MAP3K5: variants seen among roughly 807,000 people sequenced by gnomAD.
MAP3K5 encodes mitogen-activated protein kinase kinase kinase 5, also known as ASK-1.
A neutral mutation model predicts 158.7 loss-of-function variants in MAP3K5; 56 were observed. The ratio of observed to expected loss-of-function variants is 0.35; its 90% CI spans 0.28 to 0.44. The LOEUF is 0.44. Among genes scored for constraint, MAP3K5 ranks in the 20% least tolerant of loss-of-function variants. The probability of loss-of-function intolerance (pLI) is 1.00; values close to 1 mark genes in which losing one functional copy is unlikely to be tolerated. For synonymous variants in MAP3K5, 579 were observed against 601.7 expected (o/e 0.96, Z 0.55); for missense variants, 1,294 against 1,674.8 (o/e 0.77, Z 3.97).
intron 4 of MAP3K5, among the ~76,000 whole-genome samples, chr6:136,698,142 AGAGTT>A (rs1780686026): frequency 6.6e-6 from 1 of 152,244 alleles, no homozygotes; most frequent in Non-Finnish European, 1.5e-5. Flanking sequence ...AAGAACAATT[AGAGTT>A]AAGAGTTAAT....
At chr6:136,733,630 A>C (rs192178766) in intron 1 of MAP3K5, among the ~76,000 whole-genome samples, 1 of 152,090 alleles carries the variant, frequency 6.6e-6, no homozygotes, top group Non-Finnish European at 1.5e-5. Flanking sequence ...AACAAACAAA[A>C]AAAACCTTTT....
rs1781020091 is a variant in MAP3K5, at chr6:136,705,180, A to T, written c.589-47T>A. The T allele has an allele frequency of 3.5e-6, 3 of 866,284 alleles. No individual in the cohort carries two copies. In the East Asian group the frequency reaches 8.6e-5, roughly 25 times the overall value. 53.7% of individuals were successfully genotyped at this position (866,284 alleles called of 1,614,324 possible). A position where few individuals can be genotyped will look rare whatever the true frequency, so the allele number is the denominator to read the frequency against. On this transcript the variant is annotated intron_variant, in intron 2 of 29. Transcript: ENST00000359015. ...ATACCACAAGTTAATACAAAACTGA[A>T]TAATTCAACAACATTTATTGAACTA...
At chr6:136,671,515 G>C (rs1202209109) in intron 7 of MAP3K5, among the ~76,000 whole-genome samples, 1 of 152,184 alleles carries the variant, frequency 6.6e-6, no homozygotes, top group Non-Finnish European at 1.5e-5. Flanking sequence ...TATATCATTA[G>C]TATACCACTG....
intron 11 of MAP3K5, among the ~76,000 whole-genome samples, chr6:136,650,074 T>A (rs1778450099): frequency 6.6e-6 from 1 of 152,120 alleles, no homozygotes. Context: ...CCTATCTGAG[T>A]GGAAAGCAAG....
intron 1 of MAP3K5, among the ~76,000 whole-genome samples, chr6:136,747,357 G>A (rs1783006123): frequency 6.6e-6 from 1 of 152,228 alleles, no homozygotes; most frequent in Non-Finnish European, 1.5e-5. Context: ...TCATAGGGCA[G>A]CAGGGCTTCT....
At position 136,642,573 on chromosome 6, in the gene MAP3K5, GAAC is replaced by G. The variant is rs765954848; in HGVS notation, c.1789-7_1789-5del. 1.8e-5 allele frequency: 28 copies of G among 1,594,348 alleles called. No homozygotes were observed. The highest frequency in any genetic ancestry group is 6.7e-5 in the East Asian group (3 of 44,648). ...AATTCCACTCATGTATACCTTTCTA[GAAC>G]AACAACAAGAAAATATACTGAGTCA... On this transcript the variant is annotated splice_region_variant and splice_polypyrimidine_tract_variant and intron_variant, in intron 11 of 29. Coordinates refer to ENST00000359015, the MANE Select transcript of MAP3K5 (RefSeq NM_005923.4).
At chr6:136,580,455 G>C in intron 24 of MAP3K5, 49 bp from the exon 25 acceptor site, 1 of 1,161,086 alleles carries the variant, frequency 8.6e-7, no homozygotes, top group East Asian at 2.4e-5. Flanking sequence ...ATTGCAAATA[G>C]CCTAGATGAT....
At chr6:136,767,191 G>T (rs948921780) in intron 1 of MAP3K5, among the ~76,000 whole-genome samples, 12 of 152,076 alleles carry the variant, frequency 7.9e-5, no homozygotes, top group African/African-American at 2.9e-4. Flanking sequence ...TAAGGTAAGT[G>T]GTGATTCTCA....
intron 1 of MAP3K5, among the ~76,000 whole-genome samples, chr6:136,780,947 G>T (rs1186710391): frequency 1.3e-5 from 2 of 152,112 alleles, no homozygotes; most frequent in Non-Finnish European, 1.5e-5. Context: ...TACTCCTGAA[G>T]ATTTATGCCT....
intron 11 of MAP3K5, among the ~76,000 whole-genome samples, chr6:136,646,103 C>T (rs1341405097): frequency 6.6e-6 from 1 of 152,048 alleles, no homozygotes; most frequent in East Asian, 1.9e-4. Context: ...ATAATGAATA[C>T]ACTATGGATA....
intron 7 of MAP3K5, among the ~76,000 whole-genome samples, chr6:136,693,746 T>G (rs867835491): frequency 6.6e-6 from 1 of 152,276 alleles, no homozygotes; most frequent in Admixed American, 6.5e-5. Context: ...TCCCAGCACT[T>G]GAGGAGGCAG....
chr6:136,579,830 G>A (rs1266309251), intron 25 of MAP3K5: 3 of 456,542 alleles, frequency 6.6e-6, no homozygotes, highest in Middle Eastern at 3.3e-4. Context: ...CAGATTCCTG[G>A]GCTTTATTCC....
At chr6:136,773,918 G>C (rs1367679808) in intron 1 of MAP3K5, among the ~76,000 whole-genome samples, 1 of 152,148 alleles carries the variant, frequency 6.6e-6, no homozygotes, top group Non-Finnish European at 1.5e-5. Flanking sequence ...GCCTCCCAAA[G>C]TGCTGGGATT....
At chr6:136,631,403 T>C (rs1254261819) in intron 14 of MAP3K5, among the ~76,000 whole-genome samples, 3 of 152,134 alleles carry the variant, frequency 2.0e-5, no homozygotes, top group Non-Finnish European at 4.4e-5. Context: ...CTAAAATAAA[T>C]TCTGAACCAT....
At chr6:136,703,100 T>C (rs1247347720) in intron 3 of MAP3K5, among the ~76,000 whole-genome samples, 1 of 152,188 alleles carries the variant, frequency 6.6e-6, no homozygotes, top group African/African-American at 2.4e-5. Context: ...GAAGTGTGTG[T>C]TGAAAATGAC....
At chr6:136,715,217 C>T (rs1462027122) in intron 2 of MAP3K5, among the ~76,000 whole-genome samples, 2 of 151,920 alleles carry the variant, frequency 1.3e-5, no homozygotes, top group Non-Finnish European at 2.9e-5. Flanking sequence ...GGGAAATATC[C>T]AAATATCTGA....
At chr6:136,700,835 G>A (rs1202316015) in intron 3 of MAP3K5, among the ~76,000 whole-genome samples, 2 of 152,192 alleles carry the variant, frequency 1.3e-5, no homozygotes, top group Non-Finnish European at 2.9e-5. Context: ...CAGAGGCTGA[G>A]AACTAGAAAG....
chr6:136,728,074 C>A (rs969892834), intron 1 of MAP3K5, among the ~76,000 whole-genome samples: 2 of 152,080 alleles, frequency 1.3e-5, no homozygotes, highest in Non-Finnish European at 2.9e-5. Flanking sequence ...CTTGTTCTGA[C>A]TGAGTTAATG....
At chr6:136,782,468 G>A (rs1461958073) in intron 1 of MAP3K5, among the ~76,000 whole-genome samples, 1 of 152,140 alleles carries the variant, frequency 6.6e-6, no homozygotes, top group Non-Finnish European at 1.5e-5. Context: ...TGTTTCTTAA[G>A]AGTTCACGGG....
Sources: gnomAD v4.1 joint callset for allele counts (sites outside exome capture counted in the v4.1 genomes callset) on GRCh38, gnomAD v4.1.1 for gene constraint, MANE v1.5 for transcripts, NCBI Gene and HGNC (gene_info 2026-07-23, HGNC 2026-07-21) for gene names.